PPM1A: variants seen among roughly 807,000 people sequenced by gnomAD.
The protein encoded by PPM1A is protein phosphatase 1A.
PPM1A carries 7 observed loss-of-function variants against 35.0 expected under a neutral mutation model. The observed-to-expected ratio is 0.20, with a 90% CI of 0.11 to 0.38. The LOEUF (loss-of-function observed/expected upper bound fraction) is 0.38. PPM1A is among the 10% of genes least tolerant of loss of function. PPM1A has a pLI of 1.00. For missense variants in PPM1A, 239 were observed against 467.8 expected (o/e 0.51, Z 4.51); for synonymous variants, 153 against 167.3 (o/e 0.91, Z 0.66).
chr14:60,246,191 A>G (rs1881776867), upstream of PPM1A: 1 of 812,140 alleles, frequency 1.2e-6, no homozygotes, highest in South Asian at 2.1e-5. Flanking sequence ...TACTGCATAT[A>G]TTTTGAGAGG....
chr14:60,256,235 A>G (rs1194946640), intron 1 of PPM1A, among the ~76,000 whole-genome samples: 1 of 152,110 alleles, frequency 6.6e-6, no homozygotes, highest in Non-Finnish European at 1.5e-5. Flanking sequence ...CCTGGCCAAC[A>G]TGGTGAAACT....
At chr14:60,287,412 G>A in intron 3 of PPM1A, 1 of 983,070 alleles carries the variant, frequency 1.0e-6, no homozygotes. Context: ...GATTTGATGA[G>A]ACTGCAACTA....
Position 60,294,947 on chromosome 14 carries a change from A to T in PPM1A, c.*2465A>T, listed in dbSNP as rs1887939091. 6.6e-6 allele frequency: 1 copy of T among 151,762 alleles called. No individual in the cohort carries two copies. Among genetic ancestry groups the T allele is most frequent in the South Asian group, 2.1e-4 (1 of 4,822 alleles). 9.4% of individuals were successfully genotyped at this position (151,762 alleles called of 1,614,324 possible). On this transcript the variant is annotated 3_prime_UTR_variant, in exon 6 of 6. Coordinates refer to ENST00000395076, the MANE Select transcript of PPM1A (RefSeq NM_021003.5). The stretch of plus-strand genomic sequence containing the variant: ...TGTGTGTTCCTGATTCCTGGAGGTA[A>T]TAGTGGGGGGAAACCAACCATACTT...
intron 1 of PPM1A, chr14:60,256,637 T>C (rs1228190813): frequency 6.6e-6 from 1 of 152,198 alleles, no homozygotes; most frequent in Non-Finnish European, 1.5e-5. Context: ...ATTGAGCTCT[T>C]ATGTGCCAGG....
chr14:60,255,157 A>ATTTTTTTTTT (rs1566569491), intron 1 of PPM1A, among the ~76,000 whole-genome samples: 1 of 112,542 alleles, frequency 8.9e-6, no homozygotes, highest in African/African-American at 5.8e-5. Flanking sequence ...TTTCTATCAT[A>ATTTTTTTTTT]TGTTTTTTTT....
At chr14:60,272,284 G>A (rs1885221410) in intron 1 of PPM1A, among the ~76,000 whole-genome samples, 1 of 151,716 alleles carries the variant, frequency 6.6e-6, no homozygotes, top group Non-Finnish European at 1.5e-5. Flanking sequence ...AATATAATGA[G>A]TAGATACTTG....
intron 1 of PPM1A, among the ~76,000 whole-genome samples, chr14:60,266,473 A>G (rs1218928333): frequency 1.3e-5 from 2 of 152,114 alleles, no homozygotes; most frequent in African/African-American, 2.4e-5. Flanking sequence ...GCATACATCT[A>G]CTGGTATTGT....
intron 3 of PPM1A, chr14:60,286,894 A>G (rs1026882526): frequency 2.1e-6 from 2 of 967,518 alleles, no homozygotes; most frequent in Non-Finnish European, 2.5e-6. Flanking sequence ...ACTGTTACCA[A>G]GGGTCTTGGA....
At chr14:60,269,452 C>T (rs971018536) in intron 1 of PPM1A, among the ~76,000 whole-genome samples, 7 of 152,196 alleles carry the variant, frequency 4.6e-5, no homozygotes, top group African/African-American at 1.7e-4. Flanking sequence ...TCTTTATCCT[C>T]AACGTTTATA....
chr14:60,277,758 C>T (rs2139495774), intron 1 of PPM1A, among the ~76,000 whole-genome samples: 1 of 152,210 alleles, frequency 6.6e-6, no homozygotes, highest in Non-Finnish European at 1.5e-5. Flanking sequence ...CTCATTTTTG[C>T]CAGGCTCTGT....
chr14:60,278,595 A>G (rs1300280029), intron 1 of PPM1A, among the ~76,000 whole-genome samples: 1 of 152,158 alleles, frequency 6.6e-6, no homozygotes. Flanking sequence ...CATTCGACAA[A>G]GATTGAACTT....
chr14:60,276,633 A>G (rs1885792620), intron 1 of PPM1A, among the ~76,000 whole-genome samples: 1 of 152,222 alleles, frequency 6.6e-6, no homozygotes, highest in Admixed American at 6.5e-5. Context: ...AAGTGTCCCT[A>G]CGTAAATAGA....
intron 1 of PPM1A, among the ~76,000 whole-genome samples, chr14:60,272,644 T>A (rs1213443773): frequency 7.7e-6 from 1 of 129,964 alleles, no homozygotes; most frequent in African/African-American, 3.0e-5. Context: ...GGAGCCAAGA[T>A]CATGCCGCCA....
rs138967221 is a variant in PPM1A, at chr14:60,252,468, A to G, written c.-21+2791A>G. On this transcript the variant is annotated intron_variant, in intron 1 of 5. Coordinates refer to ENST00000395076, the MANE Select transcript of PPM1A (RefSeq NM_021003.5). ...AGAAAATTGGCCACGGCAGGGTTTTATAAGAGTTAAGCAAGAAGATAAAAC... is the reference window on the plus strand; with the variant it reads ...AGAAAATTGGCCACGGCAGGGTTTTGTAAGAGTTAAGCAAGAAGATAAAAC... Among the ~76,000 whole-genome samples, 454 of 152,298 alleles carry G rather than the reference A, an allele frequency of 3.0e-3. 1 individual carries two copies. The highest frequency in any genetic ancestry group is 5.5e-3 in the Non-Finnish European group (374 of 67,986).
chr14:60,276,084 C>G (rs541996311), intron 1 of PPM1A, among the ~76,000 whole-genome samples: 1 of 152,220 alleles, frequency 6.6e-6, no homozygotes, highest in South Asian at 2.1e-4. Context: ...GCTTAATACT[C>G]TATTGTTCCA....
intron 1 of PPM1A, among the ~76,000 whole-genome samples, chr14:60,270,117 C>G (rs1884908958): frequency 6.6e-6 from 1 of 151,966 alleles, no homozygotes; most frequent in Non-Finnish European, 1.5e-5. Context: ...GTTTTTGTTT[C>G]TTTATGCTTA....
At chr14:60,248,231 T>G (rs1881917814), upstream of PPM1A, among the ~76,000 whole-genome samples, 1 of 152,222 alleles carries the variant, frequency 6.6e-6, no homozygotes, top group Non-Finnish European at 1.5e-5. Context: ...ACGTGCAGTT[T>G]CTATTAACTT....
Position 60,282,684 on chromosome 14 carries a change from A to G in PPM1A, c.-20A>G. On this transcript the variant is annotated splice_region_variant and 5_prime_UTR_variant, in exon 2 of 6. Transcript: ENST00000395076. The surrounding 1 kb of genome is among the most constrained non-coding windows in gnomAD (Gnocchi z 5.1). ...CTTTCCTGTTTCTCTTCCTTTGCAG[A>G]CCTAGAGGATCAAGACATAATGGGA... 6.2e-7 allele frequency: 1 copy of G among 1,612,750 alleles called. No homozygotes were observed. Among genetic ancestry groups the G allele is most frequent in the Non-Finnish European group, 8.5e-7 (1 of 1,179,018 alleles).
chr14:60,268,333 A>T (rs1038729832), intron 1 of PPM1A: 9 of 979,472 alleles, frequency 9.2e-6, no homozygotes, highest in South Asian at 9.4e-5. Flanking sequence ...AAAAAAAAAA[A>T]TTTGTTTTCC....
Sources: allele counts gnomAD v4.1 joint callset (sites outside exome capture counted in the v4.1 genomes callset), GRCh38; gene constraint gnomAD v4.1.1; non-coding constraint Gnocchi (gnomAD v3.1); transcripts MANE v1.5; gene names NCBI Gene and HGNC (gene_info 2026-07-23, HGNC 2026-07-21).